ZFHX3: variants seen among roughly 807,000 people sequenced by gnomAD.
The protein encoded by ZFHX3 is zinc finger homeobox protein 3.
A neutral mutation model predicts 279.1 loss-of-function variants in ZFHX3; 42 were observed. The ratio of observed to expected loss-of-function variants is 0.15; its 90% confidence interval spans 0.12 to 0.19. The LOEUF (loss-of-function observed/expected upper bound fraction) is 0.19. Ranked by LOEUF, ZFHX3 falls within the 10% of genes least tolerant of loss-of-function variation. ZFHX3 has a pLI of 1.00. For missense variants in ZFHX3, 4,981 were observed against 4,754.0 expected (o/e 1.05, Z -1.40); for synonymous variants, 2,293 against 1,957.8 (o/e 1.17, Z -4.52).
chr16:73,218,210 G>A (rs571673554), intron 5 of ZFHX3, among the ~76,000 whole-genome samples: 1 of 152,254 alleles, frequency 6.6e-6, no homozygotes, highest in South Asian at 2.1e-4. Flanking sequence ...AAATTGTGTA[G>A]TGTGTCACAA....
At position 72,788,056 on chromosome 16, in the gene ZFHX3, G is replaced by A. The variant is rs918488883; in HGVS notation, c.10220C>T (p.Ala3407Val). 1 of 1,611,944 alleles carries A rather than the reference G, an allele frequency of 6.2e-7. No homozygotes were observed. Among genetic ancestry groups the A allele is most frequent in the Non-Finnish European group, 8.5e-7 (1 of 1,179,838 alleles). The stretch of plus-strand genomic sequence containing the variant: ...GGCAGGGTCTTTGTCTGGGGAAGGA[G>A]CCCCGGGGGGGACTGGGGTTTGGCT... Reference protein sequence around the residue: ...KASQTPVPPGAPSPDKDPAKE... With the variant: ...KASQTPVPPGVPSPDKDPAKE... Residue 3407 changes from alanine (A) to valine (V), a missense_variant, in exon 10 of 10, where the codon GCT becomes GTT. Around this residue, in one of 7 missense-constraint regions of ZFHX3, gnomAD observed 1,034 missense variants for 786.0 expected, o/e 1.32. Transcript: ENST00000268489.
intron 5 of ZFHX3, among the ~76,000 whole-genome samples, chr16:73,185,981 T>G (rs952970744): frequency 1.3e-5 from 2 of 152,226 alleles, no homozygotes; most frequent in East Asian, 3.9e-4. Context: ...CATGAGATTC[T>G]CATAGGAGCG....
chr16:73,445,607 T>C (rs1301283520), intron 3 of ZFHX3, among the ~76,000 whole-genome samples: 2 of 152,084 alleles, frequency 1.3e-5, no homozygotes, highest in Non-Finnish European at 2.9e-5. Flanking sequence ...CACAATCACA[T>C]AGTGTGCCCC....
At chr16:73,837,672 C>G (rs1159090931) in intron 1 of ZFHX3, among the ~76,000 whole-genome samples, 1 of 152,004 alleles carries the variant, frequency 6.6e-6, no homozygotes, top group Non-Finnish European at 1.5e-5. Context: ...GAGTTTCGCT[C>G]TTGTTGCCCA....
At chr16:73,046,475 T>A (rs1965307953) in intron 1 of ZFHX3, among the ~76,000 whole-genome samples, 1 of 152,102 alleles carries the variant, frequency 6.6e-6, no homozygotes, top group South Asian at 2.1e-4. Flanking sequence ...CCCAGCCTCC[T>A]GGAACTCGTG....
At chr16:72,981,982 A>T (rs1896271927) in intron 1 of ZFHX3, among the ~76,000 whole-genome samples, 1 of 150,466 alleles carries the variant, frequency 6.6e-6, no homozygotes. Flanking sequence ...TCCCGGGTTC[A>T]AGCGATTCTC....
intron 7 of ZFHX3, among the ~76,000 whole-genome samples, chr16:73,119,348 C>T (rs760673642): frequency 3.9e-5 from 6 of 152,166 alleles, no homozygotes; most frequent in Non-Finnish European, 8.8e-5. Flanking sequence ...CTCAAGTGAT[C>T]CTTCCATCTC....
intron 5 of ZFHX3, among the ~76,000 whole-genome samples, chr16:72,816,512 T>C (rs1411466636): frequency 6.6e-6 from 1 of 152,206 alleles, no homozygotes; most frequent in Non-Finnish European, 1.5e-5. Flanking sequence ...GAGCTATGGA[T>C]TCCATGCCAC....
intron 3 of ZFHX3, among the ~76,000 whole-genome samples, chr16:73,326,827 C>A (rs2015700065): frequency 6.6e-6 from 1 of 152,168 alleles, no homozygotes; most frequent in South Asian, 2.1e-4. Flanking sequence ...CTATTTGGGT[C>A]TCCAGTGTAT....
intron 8 of ZFHX3, among the ~76,000 whole-genome samples, chr16:73,090,896 G>A (rs1966068186): frequency 8.2e-6 from 1 of 121,584 alleles, no homozygotes; most frequent in African/African-American, 3.8e-5. Context: ...GGGAGACAGA[G>A]TAAGATCCCA....
chr16:72,829,951 C>G (rs555390982), intron 4 of ZFHX3, 92 bp from the exon 5 acceptor site: 2 of 1,322,772 alleles, frequency 1.5e-6, no homozygotes, highest in Non-Finnish European at 2.2e-6. Flanking sequence ...AACGACAGAA[C>G]AGACACCAAT....
At chr16:73,083,854 G>A (rs1965978047) in intron 8 of ZFHX3, among the ~76,000 whole-genome samples, 2 of 152,152 alleles carry the variant, frequency 1.3e-5, no homozygotes. Flanking sequence ...CTATAGGCCA[G>A]AGAAGATTCC....
intron 2 of ZFHX3, among the ~76,000 whole-genome samples, chr16:73,491,868 T>C (rs2019061748): frequency 6.6e-6 from 1 of 152,120 alleles, no homozygotes; most frequent in South Asian, 2.1e-4. Flanking sequence ...CAACTGTGAA[T>C]CGTCAGTGTT....
chr16:73,640,862 T>C (rs2052567062), intron 2 of ZFHX3, among the ~76,000 whole-genome samples: 2 of 152,050 alleles, frequency 1.3e-5, no homozygotes, highest in African/African-American at 2.4e-5. Flanking sequence ...CCCAGCTCAG[T>C]GAACGCAAAC....
In ZFHX3 at chr16:73,497,186, T is replaced by C. The variant is rs571894674; in HGVS notation, c.-1546-40928A>G. Among the ~76,000 whole-genome samples, 27 of 152,378 alleles carry C rather than the reference T, an allele frequency of 1.8e-4. No homozygotes were observed. The South Asian group carries it at 5.2e-3, about 29-fold the overall frequency. ...GGACCTGACTAATTCAGGGGGACCC[T>C]GGAGGCTATTCCACCATCTCCGACT... On this transcript the variant is annotated intron_variant, in intron 2 of 17. Coordinates refer to the ZFHX3 transcript ENST00000641206.
chr16:73,623,137 C>G (rs921641679), intron 2 of ZFHX3, among the ~76,000 whole-genome samples: 1 of 151,930 alleles, frequency 6.6e-6, no homozygotes, highest in Non-Finnish European at 1.5e-5. Flanking sequence ...CCCGGGTTCA[C>G]ACCATTCTCC....
chr16:73,722,327 T>C (rs773681563), intron 1 of ZFHX3, among the ~76,000 whole-genome samples: 1 of 152,176 alleles, frequency 6.6e-6, no homozygotes, highest in Non-Finnish European at 1.5e-5. Context: ...TTGTGAAAAA[T>C]GAAGAGTGCA....
chr16:72,851,288 C>T (rs760435370), intron 4 of ZFHX3, among the ~76,000 whole-genome samples: 11 of 152,098 alleles, frequency 7.2e-5, no homozygotes, highest in African/African-American at 1.4e-4. Context: ...CTGCAATCCA[C>T]GAAGTGACTT....
chr16:73,300,264 TAAAAAA>T (rs36110201), intron 4 of ZFHX3, among the ~76,000 whole-genome samples: 1 of 124,050 alleles, frequency 8.1e-6, no homozygotes, highest in Non-Finnish European at 1.6e-5. Context: ...CTCTGTCTCT[TAAAAAA>T]AAAAAAAAAA....
Sources: allele counts gnomAD v4.1 joint callset (sites outside exome capture counted in the v4.1 genomes callset), GRCh38; gene constraint gnomAD v4.1.1; regional missense constraint gnomAD v4.1.1; transcripts MANE v1.5; gene names NCBI Gene and HGNC (gene_info 2026-07-23, HGNC 2026-07-21).